Variants in SGK3 observed in about 807,000 individuals in gnomAD.
The protein encoded by SGK3 is serum/glucocorticoid regulated kinase family member 3, also known as serine/threonine-protein kinase Sgk3.
Under a neutral mutation model 68.5 loss-of-function variants are expected in SGK3, and 47 were observed. That is an observed-to-expected ratio of 0.69 (90% CI 0.54 to 0.87). SGK3 has a LOEUF of 0.87. SGK3 is among the 40% of genes least tolerant of loss of function. The pLI is 0.00. For missense variants in SGK3, 479 were observed against 575.5 expected (o/e 0.83, Z 1.72); for synonymous variants, 181 against 189.1 (o/e 0.96, Z 0.35).
intron 3 of SGK3, 86 bp downstream of exon 3, chr8:66,798,711 T>G: frequency 8.7e-7 from 1 of 1,155,984 alleles, no homozygotes; most frequent in South Asian, 1.6e-5. Context: ...ATGATTAAAT[T>G]GATACTCATA....
chr8:66,762,217 C>T (rs111706538), intron 1 of SGK3, among the ~76,000 whole-genome samples: 5,289 of 152,260 alleles, frequency 0.035, 138 homozygotes, highest in Middle Eastern at 0.054. Context: ...GATCCACCCA[C>T]CTTGGCCTCC....
At chr8:66,735,573 G>A (rs556803992) in intron 1 of SGK3, among the ~76,000 whole-genome samples, 1 of 152,228 alleles carries the variant, frequency 6.6e-6, no homozygotes, top group East Asian at 1.9e-4. Context: ...TTGCCCCTAA[G>A]CCTTTCTAGG....
chr8:66,831,347 G>A lies in SGK3; in HGVS notation c.525+36G>A, dbSNP rs762738111. The A allele has an allele frequency of 2.5e-6, 4 of 1,608,792 alleles. No individual in the cohort carries two copies. The South Asian group carries it at 3.3e-5, about 13-fold the overall frequency. On this transcript the variant is annotated intron_variant, in intron 8 of 16. Transcript: ENST00000521198. ...TTTGTGAGGTTTTTATTTGGTTTTGGTTTTGGTTTTTTTTTTGGAGACAGG... is the reference window on the plus strand; with the variant it reads ...TTTGTGAGGTTTTTATTTGGTTTTGATTTTGGTTTTTTTTTTGGAGACAGG...
At chr8:66,785,150 G>T (rs2130541665) in intron 1 of SGK3, among the ~76,000 whole-genome samples, 1 of 152,330 alleles carries the variant, frequency 6.6e-6, no homozygotes, top group Non-Finnish European at 1.5e-5. Context: ...TAACGCAGTT[G>T]CCTGGTGGAT....
Position 66,729,720 on chromosome 8 carries a change from C to CATTTATTTATTTATTTTT in SGK3, c.-122+16904_-122+16921dup, listed in dbSNP as rs1554592133. On this transcript the variant is annotated intron_variant, in intron 1 of 16. Transcript: ENST00000521198. ...GCCAGACTGTTTTCTAGAATGCCTA[C>CATTTATTTATTTATTTTT]ATTTATTTATTTATTTTTATTTATT... is the stretch of plus-strand genomic sequence containing the variant. Among the ~76,000 whole-genome samples the CATTTATTTATTTATTTTT allele has an allele frequency of 1.7e-3, 233 of 139,980 alleles. 1 individual carries two copies. The highest frequency in any genetic ancestry group is 2.6e-3 in the Non-Finnish European group (174 of 67,238). The allele number at this position is 139,980 out of a possible 152,430, so 91.8% of individuals were successfully genotyped here. A position where few individuals can be genotyped will look rare whatever the true frequency, so the allele number is the denominator to read the frequency against.
rs1219194825 is a variant in SGK3 at position 66,861,440 on chromosome 8, T to G, written c.*1859T>G. ...CTAGGCAATGTAGTGACACCTCATT[T>G]CTATTTATTTTAAAAAAAAGAGAGA... On this transcript the variant is annotated 3_prime_UTR_variant, in exon 17 of 17. Coordinates refer to ENST00000521198, the MANE Select transcript of SGK3 (RefSeq NM_001033578.3). 6.6e-6 allele frequency: 1 copy of G among 151,914 alleles called. No homozygotes were observed. Among genetic ancestry groups the G allele is most frequent in the Non-Finnish European group, 1.5e-5 (1 of 68,036 alleles). The allele number at this position is 151,914 out of a possible 1,614,324, so 9.4% of individuals were successfully genotyped here.
intron 5 of SGK3, among the ~76,000 whole-genome samples, chr8:66,819,538 T>TTTTTAACAA (rs1183832103): frequency 2.0e-5 from 3 of 152,298 alleles, no homozygotes; most frequent in Non-Finnish European, 4.4e-5. Context: ...CTATCAAAAG[T>TTTTTAACAA]GATTGTTTAC....
chr8:66,809,075 G>A (rs765520699), intron 4 of SGK3, among the ~76,000 whole-genome samples: 2 of 151,788 alleles, frequency 1.3e-5, no homozygotes, highest in Non-Finnish European at 2.9e-5. Flanking sequence ...CTCCATGTTG[G>A]TCAGGCTGGT....
intron 5 of SGK3, among the ~76,000 whole-genome samples, chr8:66,817,655 A>G (rs1808649528): frequency 6.6e-6 from 1 of 152,068 alleles, no homozygotes; most frequent in Non-Finnish European, 1.5e-5. Context: ...CCCAGCCAAA[A>G]AAGCTAATTT....
At chr8:66,833,190 G>C (rs995255062) in intron 8 of SGK3, among the ~76,000 whole-genome samples, 6 of 152,042 alleles carry the variant, frequency 3.9e-5, no homozygotes, top group African/African-American at 1.4e-4. Flanking sequence ...ATTTTTAGTG[G>C]GGACGGGGTT....
At chr8:66,754,351 ATT>A (rs1805911238) in intron 1 of SGK3, among the ~76,000 whole-genome samples, 1 of 152,222 alleles carries the variant, frequency 6.6e-6, no homozygotes, top group Non-Finnish European at 1.5e-5. Context: ...TACGTTGCTA[ATT>A]AATGATTGAG....
At chr8:66,717,191 G>A (rs1804658350) in intron 1 of SGK3, among the ~76,000 whole-genome samples, 1 of 144,342 alleles carries the variant, frequency 6.9e-6, no homozygotes, top group South Asian at 2.2e-4. Flanking sequence ...GGCAACAAGA[G>A]TGAAACTCTT....
chr8:66,745,754 C>G (rs562269176), intron 1 of SGK3, among the ~76,000 whole-genome samples: 1 of 152,242 alleles, frequency 6.6e-6, no homozygotes, highest in Non-Finnish European at 1.5e-5. Context: ...GTCCAAGAAC[C>G]ATGTGCCAGC....
At position 66,723,108 on chromosome 8, in the gene SGK3, TA is replaced by T. The variant is rs1563595103; in HGVS notation, c.-122+10276del. ...TTTTGTTCATATATATATATATATA[TA>T]TATATATATATATATATATATATTT... On this transcript the variant is annotated intron_variant, in intron 1 of 16. Coordinates refer to ENST00000521198, the MANE Select transcript of SGK3 (RefSeq NM_001033578.3). Among the ~76,000 whole-genome samples the T allele has an allele frequency of 5.8e-4, 25 of 42,984 alleles. No homozygotes were observed. In the East Asian group the frequency reaches 7.6e-3, roughly 13 times the overall value. The allele number at this position is 42,984 out of a possible 152,430, so 28.2% of individuals were successfully genotyped here.
chr8:66,729,963 A>G (rs1332894278), intron 1 of SGK3, among the ~76,000 whole-genome samples: 1 of 151,974 alleles, frequency 6.6e-6, no homozygotes, highest in African/African-American at 2.4e-5. Flanking sequence ...CCAGTCTTCA[A>G]ACTCTCGACC....
At position 66,836,162 on chromosome 8, in the gene SGK3, TATAAAATC is replaced by T. The variant is rs950093800; in HGVS notation, c.741+90_741+97del. 10 of 1,492,714 alleles carry T rather than the reference TATAAAATC, an allele frequency of 6.7e-6. No individual in the cohort carries two copies. In the African/African-American group the frequency reaches 1.1e-4, roughly 17 times the overall value. The allele number at this position is 1,492,714 out of a possible 1,614,324, so 92.5% of individuals were successfully genotyped here. A position where few individuals can be genotyped will look rare whatever the true frequency, so the allele number is the denominator to read the frequency against. ...TTTCTTGTAAGTTTTAGAAGGACAG[TATAAAATC>T]AGTAGCTTTTTATAGCAATAATATT... On this transcript the variant is annotated intron_variant, in intron 10 of 16. Transcript: ENST00000521198.
chr8:66,796,265 T>G (rs1248775231), intron 2 of SGK3, among the ~76,000 whole-genome samples: 2 of 150,330 alleles, frequency 1.3e-5, no homozygotes. Context: ...GCCTCCCAAG[T>G]AGCTGGGACT....
chr8:66,813,188 C>T (rs934422840), intron 4 of SGK3, among the ~76,000 whole-genome samples: 11 of 152,010 alleles, frequency 7.2e-5, no homozygotes, highest in Middle Eastern at 3.4e-3. Flanking sequence ...CAGGATGCAG[C>T]GGTTGCAGTG....
chr8:66,796,241 A>G (rs1807678774), intron 2 of SGK3, among the ~76,000 whole-genome samples: 1 of 145,894 alleles, frequency 6.9e-6, no homozygotes, highest in South Asian at 2.2e-4. Flanking sequence ...GGTTCAGGCT[A>G]TTGTCCTGCC....
Sources: allele counts gnomAD v4.1 joint callset (sites outside exome capture counted in the v4.1 genomes callset), GRCh38; gene constraint gnomAD v4.1.1; transcripts MANE v1.5; gene names NCBI Gene and HGNC (gene_info 2026-07-23, HGNC 2026-07-21).